ASAP2: variants seen among roughly 807,000 people sequenced by gnomAD.
ASAP2 encodes the protein ArfGAP with SH3 domain, ankyrin repeat and PH domain 2.
In ASAP2, 45 loss-of-function variants were observed where a neutral mutation model predicts 131.4. That is an observed-to-expected ratio of 0.34 (90% CI 0.27 to 0.44). The LOEUF (loss-of-function observed/expected upper bound fraction) is 0.44. Ranked by LOEUF, ASAP2 falls within the 20% of genes least tolerant of loss-of-function variation. ASAP2 has a pLI of 1.00. For synonymous variants in ASAP2, 510 were observed against 503.0 expected (o/e 1.01, Z -0.19); for missense variants, 1,011 against 1,297.0 (o/e 0.78, Z 3.39).
chr2:9,289,918 A>G (rs1301343154), intron 2 of ASAP2, among the ~76,000 whole-genome samples: 3 of 152,134 alleles, frequency 2.0e-5, no homozygotes, highest in Non-Finnish European at 4.4e-5. Context: ...AGGAAAGATG[A>G]TGGAAATGGG....
intron 15 of ASAP2, among the ~76,000 whole-genome samples, chr2:9,360,144 G>A (rs1672987084): frequency 6.6e-6 from 1 of 152,176 alleles, no homozygotes. Flanking sequence ...GGTGAACTAT[G>A]GCAGTTGTTT....
At chr2:9,368,287 A>G (rs1673634652) in intron 15 of ASAP2, 138 bp from the exon 16 acceptor site, 2 of 749,448 alleles carry the variant, frequency 2.7e-6, no homozygotes, top group East Asian at 2.7e-5. Context: ...GGTTTTGTCC[A>G]TCTTCATTAA....
At chr2:9,381,301 G>T (rs192950164) in intron 20 of ASAP2, among the ~76,000 whole-genome samples, 1 of 152,228 alleles carries the variant, frequency 6.6e-6, no homozygotes, top group African/African-American at 2.4e-5. Context: ...CCTTGCCGGG[G>T]GCTCCCCAGC....
At chr2:9,361,974 C>CGTGTGTGTGTGTGTGTGTGTGTGT (rs70948815) in intron 15 of ASAP2, among the ~76,000 whole-genome samples, 1 of 143,172 alleles carries the variant, frequency 7.0e-6, no homozygotes, top group Non-Finnish European at 1.5e-5. Context: ...TCTTTCTCTG[C>CGTGTGTGTGTGTGTGTGTGTGTGT]GTGTGTGTGT....
intron 1 of ASAP2, among the ~76,000 whole-genome samples, chr2:9,236,332 C>T (rs1050157013): frequency 1.3e-5 from 2 of 152,042 alleles, no homozygotes; most frequent in South Asian, 2.1e-4. Context: ...TTAAGTTCGT[C>T]GACATCTTCA....
At position 9,341,693 on chromosome 2, in the gene ASAP2, A is replaced by G. The variant is rs114863471; in HGVS notation, c.850-2839A>G. 6.8e-3 allele frequency among the ~76,000 whole-genome samples: 1,032 copies of G among 152,322 alleles called. 16 individuals carry two copies. Among genetic ancestry groups the G allele is most frequent in the African/African-American group, 0.024 (981 of 41,562 alleles). On this transcript the variant is annotated intron_variant, in intron 9 of 27. Transcript: ENST00000281419. ...TTTTAGTCTTTCACAGAGACGCTGTACAGGTGAGCAGTATTTCTCCACATT... is the reference window on the plus strand; with the variant it reads ...TTTTAGTCTTTCACAGAGACGCTGTGCAGGTGAGCAGTATTTCTCCACATT...
At chr2:9,267,363 T>A (rs1476386227) in intron 1 of ASAP2, among the ~76,000 whole-genome samples, 1 of 152,168 alleles carries the variant, frequency 6.6e-6, no homozygotes, top group Non-Finnish European at 1.5e-5. Flanking sequence ...TACTCAACAT[T>A]TAGCTCCCAC....
intron 3 of ASAP2, among the ~76,000 whole-genome samples, chr2:9,300,417 A>AAAAGCAG (rs1315857552): frequency 6.6e-6 from 1 of 152,272 alleles, no homozygotes. Context: ...AATTTCCTGC[A>AAAAGCAG]AAAGCAGAAA....
chr2:9,248,267 G>T (rs184956385), intron 1 of ASAP2, among the ~76,000 whole-genome samples: 1 of 152,284 alleles, frequency 6.6e-6, no homozygotes, highest in East Asian at 1.9e-4. Context: ...ACAATACTGA[G>T]TATTTAAGCC....
chr2:9,404,005 C>G lies in ASAP2; in HGVS notation c.*678C>G, dbSNP rs1045289606. ...TAGGGTAACTACAGTTCATTCTGTT[C>G]CAGGTTATATAAAACTGCATTTCCT... On this transcript the variant is annotated 3_prime_UTR_variant, in exon 28 of 28. Coordinates refer to ENST00000281419, the MANE Select transcript of ASAP2 (RefSeq NM_003887.3). 6.6e-6 allele frequency: 1 copy of G among 152,172 alleles called. No individual in the cohort carries two copies. Among genetic ancestry groups the G allele is most frequent in the East Asian group, 1.9e-4 (1 of 5,202 alleles). The allele number at this position is 152,172 out of a possible 1,614,324, so 9.4% of individuals were successfully genotyped here.
intron 1 of ASAP2, among the ~76,000 whole-genome samples, chr2:9,270,589 C>G (rs1291072445): frequency 4.0e-5 from 6 of 151,888 alleles, no homozygotes; most frequent in Non-Finnish European, 8.8e-5. Flanking sequence ...CAATTATACT[C>G]TCTTAGTTAT....
In ASAP2 at chr2:9,326,921, T is replaced by G. The variant is rs115194279; in HGVS notation, c.601-905T>G. ...TCTTCTTAGAATAAATTCCTGGGAG[T>G]AGAATTTCTAGGTCAAAATGTACAT... is the stretch of plus-strand genomic sequence containing the variant. On this transcript the variant is annotated intron_variant, in intron 6 of 27. Coordinates refer to ENST00000281419, the MANE Select transcript of ASAP2 (RefSeq NM_003887.3). Among the ~76,000 whole-genome samples, 1,483 of 152,232 alleles carry G rather than the reference T, an allele frequency of 9.7e-3. 29 individuals are homozygous for G. Among genetic ancestry groups the G allele is most frequent in the African/African-American group, 0.034 (1,409 of 41,538 alleles).
At chr2:9,351,824 G>A (rs2148633724) in intron 12 of ASAP2, among the ~76,000 whole-genome samples, 1 of 152,278 alleles carries the variant, frequency 6.6e-6, no homozygotes, top group East Asian at 1.9e-4. Flanking sequence ...TATCCTCCCT[G>A]TTCCCCTTCT....
chr2:9,279,253 G>A, intron 1 of ASAP2, 64 bp from the exon 2 acceptor site: 1 of 1,509,442 alleles, frequency 6.6e-7, no homozygotes, highest in Non-Finnish European at 9.2e-7. Flanking sequence ...ACTCAACGTG[G>A]TGCTCGCTGC....
chr2:9,350,271 G>A (rs1672245499), intron 11 of ASAP2, among the ~76,000 whole-genome samples: 2 of 152,166 alleles, frequency 1.3e-5, no homozygotes, highest in African/African-American at 4.8e-5. Context: ...TGACAGTGAT[G>A]GTTGGCATTT....
At chr2:9,358,992 A>G in intron 15 of ASAP2, 103 bp downstream of exon 15, 4 of 1,349,760 alleles carry the variant, frequency 3.0e-6, no homozygotes, top group Non-Finnish European at 4.0e-6. Flanking sequence ...GGTTGTTGAT[A>G]TGTTGCCAGA....
At chr2:9,275,377 C>G (rs1666695383) in intron 1 of ASAP2, among the ~76,000 whole-genome samples, 1 of 152,142 alleles carries the variant, frequency 6.6e-6, no homozygotes, top group Non-Finnish European at 1.5e-5. Context: ...CCAGCCTAGT[C>G]CTTGTGTTCT....
intron 2 of ASAP2, among the ~76,000 whole-genome samples, chr2:9,287,455 A>C (rs776252796): frequency 6.6e-6 from 1 of 152,222 alleles, no homozygotes; most frequent in Non-Finnish European, 1.5e-5. Context: ...ACCTCCTTGT[A>C]GGACGGATAT....
intron 11 of ASAP2, among the ~76,000 whole-genome samples, chr2:9,345,596 C>T (rs1297810505): frequency 6.6e-6 from 1 of 152,104 alleles, no homozygotes; most frequent in Non-Finnish European, 1.5e-5. Flanking sequence ...GAGGTCGTTG[C>T]CTTTTTGTTG....
Sources: gnomAD v4.1 joint callset for allele counts (sites outside exome capture counted in the v4.1 genomes callset) on GRCh38, gnomAD v4.1.1 for gene constraint, MANE v1.5 for transcripts, NCBI Gene and HGNC (gene_info 2026-07-23, HGNC 2026-07-21) for gene names.